Variants in CACNA1C observed in about 807,000 individuals in gnomAD.
CACNA1C encodes the protein voltage-dependent L-type calcium channel subunit alpha-1C.
In CACNA1C, 30 loss-of-function variants were observed where a neutral mutation model predicts 229.0. The observed-to-expected ratio is 0.13, with a 90% CI of 0.10 to 0.18. The LOEUF is 0.18. Among genes scored for constraint, CACNA1C ranks in the 10% least tolerant of loss-of-function variants. The pLI is 1.00. For missense variants in CACNA1C, 1,658 were observed against 2,845.0 expected (o/e 0.58, Z 9.49); for synonymous variants, 1,114 against 1,132.5 (o/e 0.98, Z 0.33).
chr12:2,187,765 A>G (rs1270877913), intron 3 of CACNA1C, among the ~76,000 whole-genome samples: 2 of 152,236 alleles, frequency 1.3e-5, no homozygotes, highest in Admixed American at 6.5e-5. Flanking sequence ...AAAGATTACT[A>G]AGGAGCAAAA....
At chr12:2,391,740 T>A (rs1422570012) in intron 3 of CACNA1C, among the ~76,000 whole-genome samples, 1 of 152,230 alleles carries the variant, frequency 6.6e-6, no homozygotes, top group Non-Finnish European at 1.5e-5. Context: ...AGGAAGTCCC[T>A]TTTTACAGTG....
intron 9 of CACNA1C, among the ~76,000 whole-genome samples, chr12:2,521,629 T>C (rs1404956054): frequency 6.6e-6 from 1 of 152,208 alleles, no homozygotes; most frequent in Non-Finnish European, 1.5e-5. Context: ...CAAAGCCGCC[T>C]TCCTCTTTCC....
upstream of CACNA1C, chr12:2,049,172 G>A (rs1470813515): frequency 6.6e-6 from 1 of 152,210 alleles, no homozygotes; most frequent in Non-Finnish European, 1.5e-5. Context: ...CATCTATGCG[G>A]TGGTTAAGAG....
At chr12:2,568,628 A>G (rs1328423282) in intron 13 of CACNA1C, among the ~76,000 whole-genome samples, 1 of 152,236 alleles carries the variant, frequency 6.6e-6, no homozygotes, top group Admixed American at 6.5e-5. Flanking sequence ...AAGTAGATGA[A>G]ACTTAAGGAC....
At chr12:2,466,700 C>T (rs892755532) in intron 5 of CACNA1C, among the ~76,000 whole-genome samples, 1 of 152,204 alleles carries the variant, frequency 6.6e-6, no homozygotes, top group African/African-American at 2.4e-5. Context: ...CAGCCTCCAG[C>T]CCTGCATTCA....
At chr12:2,222,460 A>G (rs1463383130) in intron 3 of CACNA1C, 1 of 152,250 alleles carries the variant, frequency 6.6e-6, no homozygotes, top group East Asian at 1.9e-4. Context: ...TAACAAGAAC[A>G]AGAATAATGC....
intron 3 of CACNA1C, among the ~76,000 whole-genome samples, chr12:2,216,493 T>C (rs1445573312): frequency 6.6e-6 from 1 of 152,208 alleles, no homozygotes; most frequent in Non-Finnish European, 1.5e-5. Flanking sequence ...AATTGACTGG[T>C]TATCAAACCC....
chr12:2,424,962 C>T (rs1322882395), intron 3 of CACNA1C, among the ~76,000 whole-genome samples: 2 of 152,182 alleles, frequency 1.3e-5, no homozygotes, highest in East Asian at 3.9e-4. Flanking sequence ...ACGTGGGGCC[C>T]ACTGGACTCA....
At chr12:2,674,685 C>T (rs947466039) in intron 39 of CACNA1C, 43 bp downstream of exon 39, 183 of 1,514,082 alleles carry the variant, frequency 1.2e-4, no homozygotes, top group Middle Eastern at 2.3e-4. Flanking sequence ...ACTGCCTGGC[C>T]GTGCCCCCCT....
rs3085990 is a variant in CACNA1C at position 2,067,481 on chromosome 12, T to TGTGTGTGTGTGCGC, written c.49+13871_49+13872insTGTGTGTGTGCGCG. On this transcript the variant is annotated intron_variant, in intron 1 of 46. Transcript: ENST00000399655. The surrounding 1 kb of genome is among the most constrained non-coding windows in gnomAD (Gnocchi z 5.3). ...GTGTGTGTGTGTGTGTGTGTGTGTG[T>TGTGTGTGTGTGCGC]GCGCGCGTGTGCGTGCCTGTATGTA... is the stretch of plus-strand genomic sequence containing the variant. Among the ~76,000 whole-genome samples, 138 of 140,888 alleles carry TGTGTGTGTGTGCGC rather than the reference T, an allele frequency of 9.8e-4. 1 individual carries two copies. The highest frequency in any genetic ancestry group is 1.9e-3 in the African/African-American group (69 of 36,760). 92.4% of individuals were successfully genotyped at this position (140,888 alleles called of 152,430 possible). A position where few individuals can be genotyped will look rare whatever the true frequency, so the allele number is the denominator to read the frequency against.
chr12:2,484,014 C>T (rs145401111), intron 5 of CACNA1C, among the ~76,000 whole-genome samples: 192 of 152,300 alleles, frequency 1.3e-3, no homozygotes, highest in African/African-American at 4.5e-3. Flanking sequence ...ATATGCTCAG[C>T]ACCAAGCCAG....
rs775543886 is a variant in CACNA1C, at chr12:2,004,128, C to G, written c.139+32927C>G. On this transcript the variant is annotated intron_variant, in intron 1 of 46. Coordinates refer to the CACNA1C transcript ENST00000682462. ...CTTCCTTCCCCCAAACCCCCGAGACCCCATCTCCACAACTTCGGCCTCAGT... is the reference window on the plus strand; with the variant it reads ...CTTCCTTCCCCCAAACCCCCGAGACGCCATCTCCACAACTTCGGCCTCAGT... 1.2e-5 allele frequency: 13 copies of G among 1,093,098 alleles called. No homozygotes were observed. In the African/African-American group the frequency reaches 1.4e-4, roughly 12 times the overall value. The allele number at this position is 1,093,098 out of a possible 1,614,324, so 67.7% of individuals were successfully genotyped here.
intron 29 of CACNA1C, among the ~76,000 whole-genome samples, chr12:2,627,965 C>A (rs996607597): frequency 6.6e-6 from 1 of 152,174 alleles, no homozygotes; most frequent in Admixed American, 6.5e-5. Context: ...TTTCTTGGGG[C>A]AGATAAGGAA....
chr12:2,047,130 A>C (rs968097146), intron 1 of CACNA1C, among the ~76,000 whole-genome samples: 1 of 152,102 alleles, frequency 6.6e-6, no homozygotes, highest in African/African-American at 2.4e-5. Context: ...ACTTGGGTTC[A>C]AATCCTGATT....
intron 5 of CACNA1C, among the ~76,000 whole-genome samples, chr12:2,463,460 A>G (rs547611559): frequency 6.6e-6 from 1 of 152,342 alleles, no homozygotes; most frequent in South Asian, 2.1e-4. Context: ...ATTCATAAAA[A>G]TGATTATATA....
At position 2,108,921 on chromosome 12, in the gene CACNA1C, AG is replaced by A. The variant is rs1397962536; in HGVS notation, c.50-6302del. Among the ~76,000 whole-genome samples, 1 of 152,244 alleles carries A rather than the reference AG, an allele frequency of 6.6e-6. No homozygotes were observed. Among genetic ancestry groups the A allele is most frequent in the Non-Finnish European group, 1.5e-5 (1 of 68,034 alleles). ...ATGCAGGCCCCTTGTCACTACAGCA[AG>A]ATGACAGACAGCAAGAGCCAAGTGG... On this transcript the variant is annotated intron_variant, in intron 1 of 46. Transcript: ENST00000399655. The surrounding 1 kb of genome is among the most constrained non-coding windows in gnomAD (Gnocchi z 5.3).
At chr12:2,171,917 G>A (rs1160159076) in intron 3 of CACNA1C, among the ~76,000 whole-genome samples, 5 of 152,182 alleles carry the variant, frequency 3.3e-5, no homozygotes, top group African/African-American at 9.7e-5. Context: ...TATGCACAGA[G>A]GCAGCAGCAC....
chr12:2,392,974 T>A (rs1476553798), intron 3 of CACNA1C, among the ~76,000 whole-genome samples: 1 of 152,148 alleles, frequency 6.6e-6, no homozygotes, highest in Non-Finnish European at 1.5e-5. Flanking sequence ...TTGTGTAGAC[T>A]GTTGACTACT....
intron 3 of CACNA1C, among the ~76,000 whole-genome samples, chr12:2,244,457 A>C (rs904224351): frequency 6.6e-6 from 1 of 152,188 alleles, no homozygotes; most frequent in Admixed American, 6.5e-5. Context: ...TATGCAAAAC[A>C]CTAAATACAG....
Sources: allele counts gnomAD v4.1 joint callset (sites outside exome capture counted in the v4.1 genomes callset), GRCh38; gene constraint gnomAD v4.1.1; non-coding constraint Gnocchi (gnomAD v3.1); transcripts MANE v1.5; gene names NCBI Gene and HGNC (gene_info 2026-07-23, HGNC 2026-07-21).